Variants in ZRANB3 observed in about 807,000 individuals in gnomAD.
ZRANB3 encodes the protein zinc finger RANBP2-type containing 3.
Under a neutral mutation model 133.8 loss-of-function variants are expected in ZRANB3, and 125 were observed. That is an observed-to-expected ratio of 0.93 (90% CI 0.81 to 1.08). The LOEUF is 1.08. Among genes scored for constraint, ZRANB3 ranks in the 50% least tolerant of loss-of-function variants. ZRANB3 has a pLI of 0.00. For missense variants in ZRANB3, 1,229 were observed against 1,275.5 expected (o/e 0.96, Z 0.56); for synonymous variants, 387 against 432.7 (o/e 0.89, Z 1.31).
chr2:135,462,573 T>TCCTC (rs1397123920), intron 2 of ZRANB3, among the ~76,000 whole-genome samples: 1 of 150,566 alleles, frequency 6.6e-6, no homozygotes, highest in Admixed American at 6.6e-5. Context: ...CTTCCTTCCT[T>TCCTC]CCTCCCTCCC....
At chr2:135,285,249 CCTTAT>C (rs1201479019) in intron 8 of ZRANB3, among the ~76,000 whole-genome samples, 18 of 152,206 alleles carry the variant, frequency 1.2e-4, no homozygotes. Flanking sequence ...TGGATTATTT[CCTTAT>C]CTTTAATAAA....
intron 3 of ZRANB3, among the ~76,000 whole-genome samples, chr2:135,386,652 C>T (rs1430380923): frequency 6.6e-6 from 1 of 152,184 alleles, no homozygotes; most frequent in Non-Finnish European, 1.5e-5. Context: ...CCATGGAATG[C>T]TATGCAGCCA....
In ZRANB3 at chr2:135,342,092, CT is replaced by C. The variant is rs1684699494; in HGVS notation, c.677+3457del. Among the ~76,000 whole-genome samples the C allele has an allele frequency of 3.3e-5, 5 of 149,970 alleles. 2 individuals are homozygous for C. The highest frequency in any genetic ancestry group is 1.3e-4 in the African/African-American group (5 of 39,294). On this transcript the variant is annotated intron_variant, in intron 6 of 20. Transcript: ENST00000264159. ...ACCTTTTGAAAATCGCTAATAAAAA[CT>C]TGCTGGTTTTACGGCTCAGGGGGCA...
At chr2:135,393,622 A>C (rs1352162935) in intron 2 of ZRANB3, among the ~76,000 whole-genome samples, 1 of 152,220 alleles carries the variant, frequency 6.6e-6, no homozygotes, top group African/African-American at 2.4e-5. Context: ...TTGGTGGATA[A>C]GTGAAAAGGG....
chr2:135,415,799 C>G (rs1031555510), intron 2 of ZRANB3, among the ~76,000 whole-genome samples: 8 of 152,216 alleles, frequency 5.3e-5, no homozygotes, highest in Admixed American at 2.0e-4. Flanking sequence ...AAGGTTGGTT[C>G]AATATACACA....
intron 6 of ZRANB3, among the ~76,000 whole-genome samples, chr2:135,320,160 C>T (rs563501791): frequency 2.6e-5 from 4 of 152,262 alleles, no homozygotes; most frequent in East Asian, 1.9e-4. Context: ...CCTGCTTCAG[C>T]GACCTGAGTA....
At chr2:135,344,771 A>T (rs978440220) in intron 6 of ZRANB3, among the ~76,000 whole-genome samples, 3 of 152,190 alleles carry the variant, frequency 2.0e-5, no homozygotes, top group African/African-American at 7.2e-5. Context: ...AATAAAATGA[A>T]TATCAAAGCT....
At chr2:135,387,892 C>T (rs1477379805) in intron 3 of ZRANB3, among the ~76,000 whole-genome samples, 1 of 152,100 alleles carries the variant, frequency 6.6e-6, no homozygotes, top group Non-Finnish European at 1.5e-5. Flanking sequence ...ATTTGTATAA[C>T]GGGAACACTC....
intron 1 of ZRANB3, among the ~76,000 whole-genome samples, chr2:135,523,612 T>C (rs1694032694): frequency 6.6e-6 from 1 of 152,224 alleles, no homozygotes; most frequent in Non-Finnish European, 1.5e-5. Flanking sequence ...TATTAAATCA[T>C]TTGATCCTCA....
intron 3 of ZRANB3, among the ~76,000 whole-genome samples, chr2:135,361,775 T>C (rs1220169478): frequency 6.6e-6 from 1 of 152,214 alleles, no homozygotes; most frequent in East Asian, 1.9e-4. Flanking sequence ...CAGACTGAAA[T>C]ACTATGTTCT....
At chr2:135,421,293 T>C (rs1308629019) in intron 2 of ZRANB3, among the ~76,000 whole-genome samples, 3 of 152,166 alleles carry the variant, frequency 2.0e-5, no homozygotes, top group Non-Finnish European at 4.4e-5. Context: ...GGATTGTCTT[T>C]AATGAAGGAA....
At chr2:135,383,905 T>C (rs963636208) in intron 3 of ZRANB3, among the ~76,000 whole-genome samples, 3 of 152,010 alleles carry the variant, frequency 2.0e-5, no homozygotes, top group Admixed American at 6.6e-5. Flanking sequence ...AGATCTAAAA[T>C]TGACACCCTG....
intron 8 of ZRANB3, among the ~76,000 whole-genome samples, chr2:135,300,948 A>T (rs1269851453): frequency 3.3e-5 from 5 of 152,104 alleles, no homozygotes; most frequent in Non-Finnish European, 7.4e-5. Context: ...ATGAACTGTG[A>T]CTTTCATAAT....
intron 8 of ZRANB3, among the ~76,000 whole-genome samples, chr2:135,282,501 C>A (rs1056488415): frequency 6.6e-6 from 1 of 152,148 alleles, no homozygotes; most frequent in Non-Finnish European, 1.5e-5. Flanking sequence ...GCCTCATGCC[C>A]AAATTTTCCC....
intron 1 of ZRANB3, among the ~76,000 whole-genome samples, chr2:135,530,907 G>T (rs961296568): frequency 6.6e-6 from 1 of 152,142 alleles, no homozygotes; most frequent in Non-Finnish European, 1.5e-5. Context: ...AGCATGTTGG[G>T]AATCGTAGTC....
At chr2:135,350,558 T>G (rs1232712755) in intron 4 of ZRANB3, among the ~76,000 whole-genome samples, 1 of 152,224 alleles carries the variant, frequency 6.6e-6, no homozygotes, top group African/African-American at 2.4e-5. Context: ...GACTCTTCAA[T>G]GAAACTTTCA....
intron 12 of ZRANB3, among the ~76,000 whole-genome samples, chr2:135,246,022 TTTTCTTTTC>T (rs1695781816): frequency 6.7e-6 from 1 of 148,276 alleles, no homozygotes; most frequent in African/African-American, 2.5e-5. Context: ...TTTTCTTTTC[TTTTCTTTTC>T]TTTCTTTCTT....
chr2:135,487,395 T>C (rs74711798), intron 2 of ZRANB3, among the ~76,000 whole-genome samples: 1 of 152,198 alleles, frequency 6.6e-6, no homozygotes, highest in Non-Finnish European at 1.5e-5. Flanking sequence ...CCAGCTGCAC[T>C]AGCCCCTAAC....
At chr2:135,218,648 A>T (rs1573692389) in intron 16 of ZRANB3, among the ~76,000 whole-genome samples, 2 of 152,194 alleles carry the variant, frequency 1.3e-5, no homozygotes, top group East Asian at 3.8e-4. Flanking sequence ...CCTGGCAGGA[A>T]CTTGGCCTGA....
Sources: gnomAD v4.1 joint callset for allele counts (sites outside exome capture counted in the v4.1 genomes callset) on GRCh38, gnomAD v4.1.1 for gene constraint, MANE v1.5 for transcripts, NCBI Gene and HGNC (gene_info 2026-07-23, HGNC 2026-07-21) for gene names.